Variants in C6orf118 observed in about 807,000 individuals in gnomAD.
C6orf118 encodes chromosome 6 open reading frame 118, also known as uncharacterized protein C6orf118.
Under a neutral mutation model 50.2 loss-of-function variants are expected in C6orf118, and 50 were observed. The ratio of observed to expected loss-of-function variants is 1.00; its 90% CI spans 0.79 to 1.26. C6orf118 has a LOEUF of 1.26. Ranked by LOEUF, C6orf118 falls within the 50% of genes most tolerant of loss-of-function variation. C6orf118 has a pLI of 0.00. For missense variants in C6orf118, 641 were observed against 578.7 expected (o/e 1.11, Z -1.10); for synonymous variants, 239 against 230.9 (o/e 1.03, Z -0.32).
At chr6:165,294,872 G>C (rs1236059851) in intron 5 of C6orf118, among the ~76,000 whole-genome samples, 3 of 152,158 alleles carry the variant, frequency 2.0e-5, no homozygotes, top group Non-Finnish European at 4.4e-5. Context: ...AACAGAGCAA[G>C]ACCCTGTCTC....
At chr6:165,293,722 T>C (rs1038487229) in intron 5 of C6orf118, among the ~76,000 whole-genome samples, 2 of 152,216 alleles carry the variant, frequency 1.3e-5, no homozygotes, top group African/African-American at 4.8e-5. Flanking sequence ...AATGATTTCC[T>C]GTAGAATTTA....
intron 7 of C6orf118, among the ~76,000 whole-genome samples, chr6:165,282,681 T>C (rs2128156436): frequency 6.6e-6 from 1 of 151,070 alleles, no homozygotes; most frequent in African/African-American, 2.4e-5. Context: ...AAATAGTCTA[T>C]TTGAAATCTA....
At chr6:165,295,502 A>T (rs1019525423) in intron 5 of C6orf118, among the ~76,000 whole-genome samples, 1 of 152,104 alleles carries the variant, frequency 6.6e-6, no homozygotes, top group African/African-American at 2.4e-5. Flanking sequence ...TTCTTTTCTC[A>T]TAGTAGTTTG....
At chr6:165,289,103 C>CA (rs1021586859) in intron 7 of C6orf118, among the ~76,000 whole-genome samples, 2 of 148,622 alleles carry the variant, frequency 1.3e-5, no homozygotes, top group African/African-American at 5.0e-5. Context: ...AAACAGGGGT[C>CA]AAAAAACTAA....
At chr6:165,288,813 A>G (rs2128158269) in intron 7 of C6orf118, among the ~76,000 whole-genome samples, 1 of 152,204 alleles carries the variant, frequency 6.6e-6, no homozygotes, top group East Asian at 1.9e-4. Context: ...AACATCAGGA[A>G]AAATAGCTAA....
chr6:165,302,289 C>T lies in C6orf118; in HGVS notation c.33G>A (p.Leu11=), dbSNP rs1370916366. 5 of 1,610,962 alleles carry T rather than the reference C, an allele frequency of 3.1e-6. No individual in the cohort carries two copies. The highest frequency in any genetic ancestry group is 4.5e-5 in the East Asian group (2 of 44,876). The change falls in exon 2 of 9, where the codon CTG becomes CTA. Residue 11 remains leucine (L), a synonymous_variant. Coordinates refer to ENST00000230301, the MANE Select transcript of C6orf118 (RefSeq NM_144980.4). MAEEREPELY[L]KWKHCETPGV... is the part of the protein sequence containing the mutation. ...CTGGCGTCTCGCAGTGCTTCCACTT[C>T]AGGTACACTGGTCAGAAAAGAAAAG...
At chr6:165,295,875 A>G (rs1194375025) in intron 5 of C6orf118, among the ~76,000 whole-genome samples, 2 of 151,778 alleles carry the variant, frequency 1.3e-5, no homozygotes, top group Non-Finnish European at 2.9e-5. Flanking sequence ...TACCATTTCA[A>G]AGTTGTCTTC....
chr6:165,299,440 C>G lies in C6orf118; in HGVS notation c.936+3G>C, dbSNP rs1355833816. On this transcript the variant is annotated splice_donor_region_variant and intron_variant, in intron 4 of 8. Transcript: ENST00000230301. ...ATTCAGGCTCTTTGTGATCGATCGT[C>G]ACCTCGTACTGTGCTGCAGGCTGGG... is the stretch of plus-strand genomic sequence containing the variant. 1.2e-6 allele frequency: 2 copies of G among 1,613,652 alleles called. No individual in the cohort carries two copies. Among genetic ancestry groups the G allele is most frequent in the Non-Finnish European group, 1.7e-6 (2 of 1,179,734 alleles).
intron 8 of C6orf118, among the ~76,000 whole-genome samples, chr6:165,280,762 A>T (rs1254117090): frequency 1.3e-5 from 2 of 152,206 alleles, no homozygotes; most frequent in Non-Finnish European, 2.9e-5. Context: ...ATGCGGACCC[A>T]GTTAATGCCT....
intron 5 of C6orf118, among the ~76,000 whole-genome samples, chr6:165,295,128 T>C (rs1780245197): frequency 1.3e-5 from 2 of 152,198 alleles, no homozygotes; most frequent in Non-Finnish European, 2.9e-5. Context: ...TTTCTGTATC[T>C]CATTTACATT....
intron 4 of C6orf118, among the ~76,000 whole-genome samples, chr6:165,298,933 G>A (rs773447078): frequency 6.6e-6 from 1 of 152,178 alleles, no homozygotes; most frequent in Admixed American, 6.5e-5. Flanking sequence ...AGCTATCTTA[G>A]CTACAGTGTT....
chr6:165,285,885 A>T (rs1779886338), intron 7 of C6orf118, among the ~76,000 whole-genome samples: 1 of 152,042 alleles, frequency 6.6e-6, no homozygotes, highest in African/African-American at 2.4e-5. Flanking sequence ...AAGTGCAAAC[A>T]AACCCCAAAG....
Position 165,293,253 on chromosome 6 carries a change from T to C in C6orf118, c.1120+160A>G, listed in dbSNP as rs535176995. 41 of 741,116 alleles carry C rather than the reference T, an allele frequency of 5.5e-5. 1 individual carries two copies. In the South Asian group the frequency reaches 5.7e-4, roughly 10 times the overall value. 45.9% of individuals were successfully genotyped at this position (741,116 alleles called of 1,614,324 possible). ...CACCACCACGTGCCAGGCCCTGTGA[T>C]CTTGGGTGATGTGGGTGAATATGTT... On this transcript the variant is annotated intron_variant, in intron 6 of 8. Transcript: ENST00000230301.
At chr6:165,306,695 TTG>T (rs772106505) in intron 1 of C6orf118, among the ~76,000 whole-genome samples, 89 of 152,222 alleles carry the variant, frequency 5.8e-4, no homozygotes, top group Admixed American at 1.3e-3. Flanking sequence ...TTCATTGCTG[TTG>T]TGTTATCCTT....
At chr6:165,281,258 A>G (rs1006727524) in intron 8 of C6orf118, among the ~76,000 whole-genome samples, 2 of 152,188 alleles carry the variant, frequency 1.3e-5, no homozygotes, top group Non-Finnish European at 2.9e-5. Flanking sequence ...GCTTTATCCA[A>G]TAAATTCATT....
At chr6:165,283,802 C>T (rs895115434) in intron 7 of C6orf118, among the ~76,000 whole-genome samples, 11 of 152,158 alleles carry the variant, frequency 7.2e-5, no homozygotes, top group Non-Finnish European at 1.5e-4. Flanking sequence ...AATGAGACCT[C>T]ACCAAAACCC....
intron 7 of C6orf118, among the ~76,000 whole-genome samples, chr6:165,284,305 T>G (rs1355742783): frequency 6.6e-6 from 1 of 152,156 alleles, no homozygotes; most frequent in African/African-American, 2.4e-5. Context: ...AAAAAGCCTC[T>G]GAGAACTATG....
chr6:165,302,414 C>G (rs1446157754), intron 1 of C6orf118, 118 bp from the exon 2 acceptor site: 10 of 1,271,752 alleles, frequency 7.9e-6, no homozygotes, highest in Middle Eastern at 2.8e-4. Flanking sequence ...GAGAAACAGA[C>G]GAACAGAGTA....
At chr6:165,299,357 T>G in intron 4 of C6orf118, 86 bp downstream of exon 4, 1 of 1,227,286 alleles carries the variant, frequency 8.1e-7, no homozygotes, top group Non-Finnish European at 1.2e-6. Flanking sequence ...TGGGGCTTCT[T>G]GGATTCAGAA....
Sources: allele counts gnomAD v4.1 joint callset (sites outside exome capture counted in the v4.1 genomes callset), GRCh38; gene constraint gnomAD v4.1.1; transcripts MANE v1.5; gene names NCBI Gene and HGNC (gene_info 2026-07-23, HGNC 2026-07-21).